Variants in SLC35D1 observed in about 807,000 individuals in gnomAD.
The protein encoded by SLC35D1 is solute carrier family 35 member D1, also known as nucleotide sugar transporter SLC35D1.
Under a neutral mutation model 46.7 loss-of-function variants are expected in SLC35D1, and 31 were observed. That is an observed-to-expected ratio of 0.66 (90% CI 0.50 to 0.90). The LOEUF is 0.90. Among genes scored for constraint, SLC35D1 ranks in the 40% least tolerant of loss-of-function variants. SLC35D1 has a pLI of 0.00. For missense variants in SLC35D1, 397 were observed against 426.2 expected (o/e 0.93, Z 0.60); for synonymous variants, 195 against 164.6 (o/e 1.18, Z -1.41).
At chr1:67,044,444 G>A (rs1196792822) in intron 7 of SLC35D1, among the ~76,000 whole-genome samples, 2 of 152,022 alleles carry the variant, frequency 1.3e-5, no homozygotes, top group Non-Finnish European at 2.9e-5. Flanking sequence ...GATGCTGATT[G>A]ACATTAAAAA....
In SLC35D1 at chr1:67,053,293, TA is replaced by T. The variant is rs111862174; in HGVS notation, c.204-305del. 0.048 allele frequency among the ~76,000 whole-genome samples: 7,111 copies of T among 147,038 alleles called. 182 individuals carry two copies. Among genetic ancestry groups the T allele is most frequent in the Admixed American group, 0.074 (1,096 of 14,910 alleles). On this transcript the variant is annotated intron_variant, in intron 1 of 11. Coordinates refer to ENST00000235345, the MANE Select transcript of SLC35D1 (RefSeq NM_015139.3). ...ATCTCTGCAACGATTTCACACACCT[TA>T]AAAAAAAAAACAACCAACTTCTGCC...
Position 67,053,866 on chromosome 1 carries a change from C to G in SLC35D1, c.148G>C (p.Gly50Arg). 6.2e-7 allele frequency: 1 copy of G among 1,613,616 alleles called. No homozygotes were observed. The highest frequency in any genetic ancestry group is 8.5e-7 in the Non-Finnish European group (1 of 1,179,660). ...ACCACGATCAGGAAGGAGCTCACGC[C>G]GTAAAAGCCGGCGGCCAGCAGCTTC... ...FLKLLAAGFY[G>R]VSSFLIVVVN... Residue 50 changes from glycine to arginine, a missense_variant, in exon 1 of 12, where the codon GGC (glycine) becomes CGC (arginine). Physicochemically the swap from Gly to Arg is moderately radical, Grantham distance 125. Transcript: ENST00000235345.
chr1:67,011,045 G>A (rs551093915), intron 10 of SLC35D1, among the ~76,000 whole-genome samples: 36 of 152,206 alleles, frequency 2.4e-4, no homozygotes, highest in Admixed American at 4.6e-4. Flanking sequence ...GGTTTCATCT[G>A]TATAACAAGA....
At chr1:67,047,444 T>C in intron 6 of SLC35D1, 77 bp from the exon 7 acceptor site, 1 of 1,199,538 alleles carries the variant, frequency 8.3e-7, no homozygotes, top group South Asian at 1.3e-5. Context: ...AGCTAAAATA[T>C]TTACAAGAAC....
intron 5 of SLC35D1, 105 bp from the exon 6 acceptor site, chr1:67,049,955 C>T (rs890292333): frequency 5.7e-5 from 47 of 831,160 alleles, no homozygotes; most frequent in South Asian, 4.5e-4. Context: ...TATAAACAAT[C>T]GTATTTTAAA....
intron 4 of SLC35D1, among the ~76,000 whole-genome samples, chr1:67,050,907 G>T (rs1478656869): frequency 2.0e-5 from 3 of 152,146 alleles, no homozygotes; most frequent in Admixed American, 6.5e-5. Flanking sequence ...TTTTGTGGAT[G>T]TAATTTTGTC....
the SLC35D1 span, among the ~76,000 whole-genome samples, chr1:66,990,979 T>C: frequency 6.6e-6 from 1 of 152,182 alleles, no homozygotes; most frequent in Non-Finnish European, 1.5e-5. Context: ...GCATAGCCTA[T>C]AATCATTTGT....
chr1:67,053,963 G>T lies in SLC35D1; in HGVS notation c.51C>A (p.Pro17=), dbSNP rs373050297. 40 of 1,613,466 alleles carry T rather than the reference G, an allele frequency of 2.5e-5. No individual in the cohort carries two copies. The highest frequency in any genetic ancestry group is 3.3e-5 in the Non-Finnish European group (39 of 1,179,638). Residue 17 remains proline, a synonymous_variant, in exon 1 of 12, where the codon CCC becomes CCA. Coordinates refer to ENST00000235345, the MANE Select transcript of SLC35D1 (RefSeq NM_015139.3). ...RQHARVKGEA[P]AKSSTLRDEE... ...CATCTCGGAGTGTGGAGGATTTCGC[G>T]GGGGCTTCTCCTTTAACCCGAGCAT...
intron 11 of SLC35D1, among the ~76,000 whole-genome samples, chr1:67,005,883 T>C (rs1667437268): frequency 6.6e-6 from 1 of 152,190 alleles, no homozygotes; most frequent in Admixed American, 6.5e-5. Flanking sequence ...TTCTTTTAGC[T>C]GTACAGAGTC....
chr1:66,986,731 G>T, the SLC35D1 span: 24,003 of 344,508 alleles, frequency 0.07, 2,047 homozygotes, highest in African/African-American at 0.32. Context: ...TTGGGTGGAA[G>T]TGTTGAGAAG....
Position 67,008,606 on chromosome 1 carries a change from G to C in SLC35D1, c.959+479C>G, listed in dbSNP as rs542014400. Among the ~76,000 whole-genome samples, 42 of 152,210 alleles carry C rather than the reference G, an allele frequency of 2.8e-4. No individual in the cohort carries two copies. In the South Asian group the frequency reaches 3.1e-3, roughly 11 times the overall value. ...TCTGATCCACTTTTGATCTTCAAAA[G>C]CAAGGCAAACACAGTCTACTTCTCC... On this transcript the variant is annotated intron_variant, in intron 11 of 11. Coordinates refer to ENST00000235345, the MANE Select transcript of SLC35D1 (RefSeq NM_015139.3).
chr1:67,034,954 T>C (rs1036391566), intron 8 of SLC35D1, among the ~76,000 whole-genome samples: 5 of 152,206 alleles, frequency 3.3e-5, no homozygotes, highest in African/African-American at 1.2e-4. Context: ...ATTCTGTTGA[T>C]ATGATGTATT....
At chr1:66,975,007 AT>A in the SLC35D1 span, among the ~76,000 whole-genome samples, 3 of 152,064 alleles carry the variant, frequency 2.0e-5, no homozygotes, top group South Asian at 2.1e-4. Context: ...TGAGAGGATG[AT>A]TTTTTTTAAA....
chr1:66,995,889 A>G (rs1336098542), downstream of SLC35D1, among the ~76,000 whole-genome samples: 1 of 152,200 alleles, frequency 6.6e-6, no homozygotes, highest in East Asian at 1.9e-4. Flanking sequence ...CACCGAAAAA[A>G]ATTATCTGAA....
intron 8 of SLC35D1, among the ~76,000 whole-genome samples, chr1:67,028,014 G>A (rs953254580): frequency 1.3e-5 from 2 of 152,162 alleles, no homozygotes; most frequent in Non-Finnish European, 2.9e-5. Context: ...TTGCAGGAGT[G>A]AGCCACCACA....
At chr1:67,032,200 T>C in intron 8 of SLC35D1, 1 of 516,156 alleles carries the variant, frequency 1.9e-6, no homozygotes, top group African/African-American at 2.1e-5. Flanking sequence ...ATAATGTAAA[T>C]ACCCCAGGAG....
At chr1:67,048,801 A>C (rs1558167240) in intron 6 of SLC35D1, among the ~76,000 whole-genome samples, 1 of 152,248 alleles carries the variant, frequency 6.6e-6, no homozygotes, top group East Asian at 1.9e-4. Context: ...ATGTATTTTA[A>C]AACTAAAACT....
intron 10 of SLC35D1, among the ~76,000 whole-genome samples, chr1:67,010,450 T>A (rs1380662948): frequency 6.6e-6 from 1 of 152,190 alleles, no homozygotes; most frequent in Non-Finnish European, 1.5e-5. Context: ...ACATGGGAAG[T>A]CATCTCAAGA....
the SLC35D1 span, among the ~76,000 whole-genome samples, chr1:66,978,681 C>CATTATTCACACTGAAT: frequency 6.6e-6 from 1 of 152,194 alleles, no homozygotes; most frequent in Non-Finnish European, 1.5e-5. Context: ...AATGTTCACA[C>CATTATTCACACTGAAT]GTGAGCTACA....
Sources: allele counts gnomAD v4.1 joint callset (sites outside exome capture counted in the v4.1 genomes callset), GRCh38; gene constraint gnomAD v4.1.1; transcripts MANE v1.5; gene names NCBI Gene and HGNC (gene_info 2026-07-23, HGNC 2026-07-21).